TMEFF2: variants seen among roughly 807,000 people sequenced by gnomAD.
TMEFF2 encodes transmembrane protein with EGF like and two follistatin like domains 2, also known as tomoregulin-2.
TMEFF2 carries 28 observed loss-of-function variants against 53.8 expected under a neutral mutation model. The observed-to-expected ratio is 0.52, with a 90% CI of 0.39 to 0.71. The LOEUF (loss-of-function observed/expected upper bound fraction) is 0.71. TMEFF2 is among the 30% of genes least tolerant of loss of function. The pLI, the probability that TMEFF2 is intolerant of heterozygous loss-of-function variation, is 0.00. For missense variants in TMEFF2, 353 were observed against 455.2 expected (o/e 0.78, Z 2.04); for synonymous variants, 162 against 166.3 (o/e 0.97, Z 0.20).
intron 4 of TMEFF2, among the ~76,000 whole-genome samples, chr2:192,176,021 A>C (rs1315959239): frequency 6.6e-6 from 1 of 151,440 alleles, no homozygotes; most frequent in Non-Finnish European, 1.5e-5. Flanking sequence ...TTTTGAGAGG[A>C]GGCACCTTTA....
intron 5 of TMEFF2, among the ~76,000 whole-genome samples, chr2:192,008,287 C>T (rs762517390): frequency 3.9e-5 from 6 of 152,164 alleles, no homozygotes; most frequent in Non-Finnish European, 8.8e-5. Flanking sequence ...AGGCTCCTTT[C>T]GAGGCAGAAG....
chr2:192,093,910 A>G (rs1278561923), intron 4 of TMEFF2, among the ~76,000 whole-genome samples: 1 of 152,174 alleles, frequency 6.6e-6, no homozygotes, highest in Non-Finnish European at 1.5e-5. Flanking sequence ...AAAGGAAAAG[A>G]AACTTGCGTT....
chr2:192,089,551 A>T (rs924823063), intron 4 of TMEFF2, among the ~76,000 whole-genome samples: 3 of 151,942 alleles, frequency 2.0e-5, no homozygotes, highest in Admixed American at 1.3e-4. Flanking sequence ...ATTTCTCCAT[A>T]CCCACAGAGT....
intron 5 of TMEFF2, among the ~76,000 whole-genome samples, chr2:192,002,406 C>G (rs1390362071): frequency 6.6e-6 from 1 of 151,982 alleles, no homozygotes; most frequent in African/African-American, 2.4e-5. Flanking sequence ...TAAATAAATG[C>G]AAGAGTACAT....
chr2:192,118,120 T>G (rs2105962995), intron 4 of TMEFF2, among the ~76,000 whole-genome samples: 1 of 152,216 alleles, frequency 6.6e-6, no homozygotes, highest in East Asian at 1.9e-4. Flanking sequence ...TTTTATTTCC[T>G]TATGATTTAC....
intron 5 of TMEFF2, among the ~76,000 whole-genome samples, chr2:192,055,501 G>A (rs771472807): frequency 5.3e-5 from 8 of 152,156 alleles, no homozygotes; most frequent in South Asian, 4.2e-4. Flanking sequence ...TTGGCTGGGC[G>A]TGGTAGCTCA....
At chr2:192,086,902 G>T (rs886148877) in intron 4 of TMEFF2, among the ~76,000 whole-genome samples, 1 of 151,712 alleles carries the variant, frequency 6.6e-6, no homozygotes, top group Non-Finnish European at 1.5e-5. Flanking sequence ...TAAAAGTTAG[G>T]CATCATTTGC....
chr2:192,141,155 A>C, intron 4 of TMEFF2, among the ~76,000 whole-genome samples: 1 of 152,046 alleles, frequency 6.6e-6, no homozygotes, highest in South Asian at 2.1e-4. Flanking sequence ...AACTGTAGGA[A>C]TATTATAAGC....
intron 7 of TMEFF2, among the ~76,000 whole-genome samples, chr2:191,990,651 G>A (rs1370371814): frequency 6.6e-6 from 1 of 151,798 alleles, no homozygotes; most frequent in South Asian, 2.1e-4. Context: ...ACTAGCAATT[G>A]TCTAGATGTT....
chr2:191,950,342 T>A lies in TMEFF2; in HGVS notation c.1094A>T (p.Asn365Ile). The A allele has an allele frequency of 6.2e-7, 1 of 1,613,868 alleles. No individual in the cohort carries two copies. Reference protein sequence around the residue: ...KQNTGHYSSDNTTRASTRLI With the variant: ...KQNTGHYSSDITTRASTRLI ...TAACCTCGTGGACGCTCTTGTTGTATTGTCTGAACTGTAGTGCCCTGTATT... is the reference window on the plus strand; with the variant it reads ...TAACCTCGTGGACGCTCTTGTTGTAATGTCTGAACTGTAGTGCCCTGTATT... Residue 365 changes from asparagine (N) to isoleucine (I), a missense_variant, in exon 10 of 10, where the codon AAT becomes ATT. Around this residue, in one of 3 missense-constraint regions of TMEFF2, gnomAD observed 294 missense variants for 397.3 expected, o/e 0.74. Transcript: ENST00000272771.
chr2:192,194,339 G>A lies in TMEFF2; in HGVS notation c.172+14C>T. On this transcript the variant is annotated intron_variant, in intron 1 of 9. Transcript: ENST00000272771. The surrounding 1 kb of genome is among the most constrained non-coding windows in gnomAD (Gnocchi z 4.2). The stretch of plus-strand genomic sequence containing the variant: ...GCGGAGTTAAAGGGTCGGGGACGGG[G>A]GTTCTGGACTTACCAGAGCAATTCC... 3 of 1,613,244 alleles carry A rather than the reference G, an allele frequency of 1.9e-6. No homozygotes were observed.
rs558604263 is a variant in TMEFF2, at chr2:192,019,106, C to G, written c.537-19898G>C. Among the ~76,000 whole-genome samples, 74 of 152,012 alleles carry G rather than the reference C, an allele frequency of 4.9e-4. 1 individual carries two copies. Among genetic ancestry groups the G allele is most frequent in the South Asian group, 1.5e-3 (7 of 4,816 alleles). The stretch of plus-strand genomic sequence containing the variant: ...ATAAATAAAAGTAAATAAATAGTTG[C>G]TATTTTTCTATTAGACTGCCACTAT... On this transcript the variant is annotated intron_variant, in intron 5 of 9. Coordinates refer to ENST00000272771, the MANE Select transcript of TMEFF2 (RefSeq NM_016192.4).
chr2:192,009,320 A>C (rs1686572129), intron 5 of TMEFF2, among the ~76,000 whole-genome samples: 1 of 152,164 alleles, frequency 6.6e-6, no homozygotes, highest in Non-Finnish European at 1.5e-5. Context: ...CAATTTCACA[A>C]GTTTCAATAG....
chr2:192,135,704 C>T (rs982824551), intron 4 of TMEFF2, among the ~76,000 whole-genome samples: 2 of 152,112 alleles, frequency 1.3e-5, no homozygotes, highest in Non-Finnish European at 2.9e-5. Flanking sequence ...CCAAGCCAAG[C>T]CATCGCATCC....
chr2:192,072,698 C>A (rs1688319126), intron 4 of TMEFF2, among the ~76,000 whole-genome samples: 2 of 151,916 alleles, frequency 1.3e-5, no homozygotes, highest in Non-Finnish European at 2.9e-5. Flanking sequence ...TGTCTCTATA[C>A]TCAAATGCTT....
chr2:192,061,408 T>A (rs899798053), intron 4 of TMEFF2, among the ~76,000 whole-genome samples: 19 of 152,092 alleles, frequency 1.2e-4, no homozygotes, highest in African/African-American at 4.3e-4. Flanking sequence ...AAAATAAAAA[T>A]AGAGTATAAC....
chr2:192,140,130 G>A (rs1260691981), intron 4 of TMEFF2, among the ~76,000 whole-genome samples: 2 of 152,246 alleles, frequency 1.3e-5, no homozygotes, highest in South Asian at 2.1e-4. Flanking sequence ...ACTGGGATAA[G>A]GGATGAGACA....
At chr2:192,180,449 C>T (rs1691157129) in intron 3 of TMEFF2, among the ~76,000 whole-genome samples, 1 of 151,580 alleles carries the variant, frequency 6.6e-6, no homozygotes. Flanking sequence ...AAATCAAAAC[C>T]ATTACGATTC....
At chr2:192,059,000 A>G (rs1687982003) in intron 4 of TMEFF2, among the ~76,000 whole-genome samples, 1 of 152,032 alleles carries the variant, frequency 6.6e-6, no homozygotes, top group Non-Finnish European at 1.5e-5. Context: ...AGTTTTTCAT[A>G]CTTATAAAAT....
Sources: gnomAD v4.1 joint callset for allele counts (sites outside exome capture counted in the v4.1 genomes callset) on GRCh38, gnomAD v4.1.1 for gene constraint, gnomAD v4.1.1 regional missense constraint, Gnocchi (gnomAD v3.1) non-coding constraint, MANE v1.5 for transcripts, NCBI Gene and HGNC (gene_info 2026-07-23, HGNC 2026-07-21) for gene names.